PON3: variants seen among roughly 807,000 people sequenced by gnomAD.
PON3 encodes serum paraoxonase/lactonase 3.
A neutral mutation model predicts 36.3 loss-of-function variants in PON3; 37 were observed. The observed-to-expected ratio is 1.02, with a 90% CI of 0.78 to 1.34. The LOEUF is 1.34. Ranked by LOEUF, PON3 falls within the 40% of genes most tolerant of loss-of-function variation. The pLI is 0.00. For synonymous variants in PON3, 155 were observed against 154.8 expected (o/e 1.00, Z -0.01); for missense variants, 415 against 426.5 (o/e 0.97, Z 0.24).
At chr7:95,362,623 T>C in intron 7 of PON3, 133 bp from the exon 8 acceptor site, 1 of 1,434,154 alleles carries the variant, frequency 7.0e-7, no homozygotes, top group Non-Finnish European at 9.8e-7. Flanking sequence ...GCTTCTGTAT[T>C]TTAGAAACGC....
intron 3 of PON3, among the ~76,000 whole-genome samples, chr7:95,382,244 A>G (rs1177011328): frequency 6.6e-6 from 1 of 152,244 alleles, no homozygotes; most frequent in Non-Finnish European, 1.5e-5. Context: ...CCCACAAGAG[A>G]AAGCAGGAAA....
chr7:95,390,260 A>G, intron 2 of PON3, 51 bp from the exon 3 acceptor site: 1 of 1,394,422 alleles, frequency 7.2e-7, no homozygotes, highest in Non-Finnish European at 1.0e-6. Flanking sequence ...GGCTTAAAAA[A>G]TACGTCTCAC....
chr7:95,381,334 T>G (rs1412501592), intron 3 of PON3, among the ~76,000 whole-genome samples: 2 of 151,982 alleles, frequency 1.3e-5, no homozygotes, highest in Admixed American at 6.6e-5. Flanking sequence ...AATGACAGGA[T>G]CAAATTCACA....
intron 4 of PON3, among the ~76,000 whole-genome samples, chr7:95,370,788 T>C (rs1442785399): frequency 2.0e-5 from 3 of 152,246 alleles, no homozygotes; most frequent in Admixed American, 2.0e-4. Flanking sequence ...CTTATGTTTT[T>C]ATAATATATT....
chr7:95,380,866 T>G (rs1428055416), intron 3 of PON3, among the ~76,000 whole-genome samples: 1 of 152,126 alleles, frequency 6.6e-6, no homozygotes. Context: ...ACAAAGATAT[T>G]CCTCGAGAAC....
intron 7 of PON3, 22 bp downstream of exon 7, chr7:95,362,738 G>A (rs1354945010): frequency 6.4e-7 from 1 of 1,565,772 alleles, no homozygotes; most frequent in Admixed American, 1.7e-5. Flanking sequence ...CAGATTGTGT[G>A]GGCCAGACAG....
intron 3 of PON3, among the ~76,000 whole-genome samples, chr7:95,383,910 A>G (rs569074153): frequency 1.3e-5 from 2 of 152,334 alleles, no homozygotes; most frequent in South Asian, 2.1e-4. Context: ...ACCCTAAGCT[A>G]AGAGAACAAA....
intron 2 of PON3, among the ~76,000 whole-genome samples, chr7:95,392,570 T>C (rs1809342099): frequency 6.6e-6 from 1 of 152,198 alleles, no homozygotes; most frequent in African/African-American, 2.4e-5. Flanking sequence ...TAAAATCAAA[T>C]TAAATCACTC....
intron 3 of PON3, among the ~76,000 whole-genome samples, chr7:95,382,102 A>T (rs1489910901): frequency 6.6e-6 from 1 of 152,234 alleles, no homozygotes; most frequent in Non-Finnish European, 1.5e-5. Context: ...CTGAATGACT[A>T]CTGGGTACAT....
chr7:95,382,269 A>T (rs1488068864), intron 3 of PON3, among the ~76,000 whole-genome samples: 1 of 152,232 alleles, frequency 6.6e-6, no homozygotes, highest in East Asian at 1.9e-4. Flanking sequence ...TAAAATCGAC[A>T]ACCTAACATC....
intron 3 of PON3, among the ~76,000 whole-genome samples, chr7:95,380,925 G>A (rs1238048443): frequency 2.0e-5 from 3 of 152,106 alleles, no homozygotes; most frequent in African/African-American, 7.2e-5. Flanking sequence ...TTGAAATGAA[G>A]GAAAAAATGT....
chr7:95,367,435 C>T lies in PON3; in HGVS notation c.421G>A (p.Glu141Lys). 1.9e-6 allele frequency: 3 copies of T among 1,612,760 alleles called. No individual in the cohort carries two copies. Among genetic ancestry groups the T allele is most frequent in the Non-Finnish European group, 2.5e-6 (3 of 1,178,992 alleles). ...TGTTGTTCCTCAAATTTAAATATCT[C>T]CACAGTGGACTTCATGTGGGGATGA... ...VNHPHMKSTV[E>K]IFKFEEQQRS... is the part of the protein sequence containing the mutation. Residue 141 changes from glutamate to lysine, a missense_variant, in exon 5 of 9, where the codon GAG (glutamate) becomes AAG (lysine). Glu to Lys is a moderately conservative substitution (Grantham distance 56). Transcript: ENST00000265627.
At chr7:95,372,120 A>T in intron 4 of PON3, 53 bp downstream of exon 4, 1 of 1,556,254 alleles carries the variant, frequency 6.4e-7, no homozygotes, top group East Asian at 2.2e-5. Flanking sequence ...GCTGGAGATA[A>T]ATGGTTTCTA....
At chr7:95,392,807 A>T (rs1809346802) in intron 2 of PON3, among the ~76,000 whole-genome samples, 1 of 152,196 alleles carries the variant, frequency 6.6e-6, no homozygotes, top group Non-Finnish European at 1.5e-5. Context: ...TAATGCATTG[A>T]CACAAGGTCT....
At chr7:95,362,559 C>T in intron 7 of PON3, 69 bp from the exon 8 acceptor site, 4 of 1,605,594 alleles carry the variant, frequency 2.5e-6, no homozygotes, top group Non-Finnish European at 3.4e-6. Context: ...TATTCATCCC[C>T]ACAACCCCTA....
Position 95,361,974 on chromosome 7 carries a change from A to G in PON3, c.906+388T>C, listed in dbSNP as rs1273504557. Among the ~76,000 whole-genome samples, 4 of 152,142 alleles carry G rather than the reference A, an allele frequency of 2.6e-5. No homozygotes were observed. The East Asian group carries it at 7.7e-4, about 29-fold the overall frequency. On this transcript the variant is annotated intron_variant, in intron 8 of 8. Transcript: ENST00000265627. ...CTCATTTTATTTTGAGGCGACAGTT[A>G]TTTAAATCCTTTAATCTTAGCTTCA...
chr7:95,371,977 T>C (rs538500057), intron 4 of PON3, among the ~76,000 whole-genome samples, 196 bp downstream of exon 4: 2 of 152,124 alleles, frequency 1.3e-5, no homozygotes, highest in African/African-American at 2.4e-5. Context: ...GGAGGCCACA[T>C]AGGGCCAAAA....
In PON3 at chr7:95,362,753, C is replaced by G. The variant is rs938494211; in HGVS notation, c.777+7G>C. 6.3e-7 allele frequency: 1 copy of G among 1,597,896 alleles called. No homozygotes were observed. The highest frequency in any genetic ancestry group is 1.7e-5 in the Admixed American group (1 of 59,886). On this transcript the variant is annotated splice_region_variant and intron_variant, in intron 7 of 8. Coordinates refer to ENST00000265627, the MANE Select transcript of PON3 (RefSeq NM_000940.3). ...CAGATTGTGTGGGCCAGACAGGGTA[C>G]TCTTACCTTCAGTTGAGTTAAATCC...
intron 5 of PON3, chr7:95,364,406 T>C: frequency 2.9e-6 from 1 of 346,826 alleles, no homozygotes. Flanking sequence ...GCTATGGTTA[T>C]CCTCCTTCAG....
Sources: gnomAD v4.1 joint callset for allele counts (sites outside exome capture counted in the v4.1 genomes callset) on GRCh38, gnomAD v4.1.1 for gene constraint, MANE v1.5 for transcripts, NCBI Gene and HGNC (gene_info 2026-07-23, HGNC 2026-07-21) for gene names.